Variants in HABP2 observed in about 807,000 individuals in gnomAD.
HABP2 encodes factor VII-activating protease.
A neutral mutation model predicts 66.5 loss-of-function variants in HABP2; 65 were observed. The ratio of observed to expected loss-of-function variants is 0.98; its 90% CI spans 0.80 to 1.20. The LOEUF (loss-of-function observed/expected upper bound fraction) is 1.20, where lower values mean the gene tolerates loss of function less well. HABP2 is among the 50% of genes most tolerant of loss of function. The pLI is 0.00. For missense variants in HABP2, 786 were observed against 691.0 expected (o/e 1.14, Z -1.54); for synonymous variants, 263 against 253.9 (o/e 1.04, Z -0.34).
rs1171514986 is a variant in HABP2, at chr10:113,578,050, C to A, written c.473C>A (p.Pro158His). 1 of 1,614,166 alleles carries A rather than the reference C, an allele frequency of 6.2e-7. No individual in the cohort carries two copies. The highest frequency in any genetic ancestry group is 8.5e-7 in the Non-Finnish European group (1 of 1,180,018). ...SQVVPVCRPNPCQNGATCSRH... is the reference protein window; with the variant it reads ...SQVVPVCRPNHCQNGATCSRH... ...GTGGTTCCTGTATGCAGGCCAAACC[C>A]CTGCCAGAATGGGGCTACCTGCTCC... Residue 158 changes from proline (P) to histidine (H), a missense_variant, in exon 6 of 13, where the codon CCC becomes CAC. Pro to His is a moderately conservative substitution (Grantham distance 77). Coordinates refer to ENST00000351270, the MANE Select transcript of HABP2 (RefSeq NM_004132.5).
intron 1 of HABP2, among the ~76,000 whole-genome samples, chr10:113,561,928 T>G (rs1178343025): frequency 4.6e-5 from 7 of 152,166 alleles, no homozygotes; most frequent in Non-Finnish European, 1.0e-4. Flanking sequence ...TCAGTAAGAC[T>G]CAGAGACTCG....
chr10:113,588,205 G>T lies in HABP2; in HGVS notation c.1519G>T (p.Gly507Cys), dbSNP rs575155980. 6.2e-7 allele frequency: 1 copy of T among 1,600,526 alleles called. No individual in the cohort carries two copies. The highest frequency in any genetic ancestry group is 8.5e-7 in the Non-Finnish European group (1 of 1,174,286). Residue 507 changes from glycine (G) to cysteine (C), a missense_variant and splice_region_variant, in exon 13 of 13, where the codon GGT becomes TGT. Physicochemically the swap from Gly to Cys is radical, Grantham distance 159. Coordinates refer to ENST00000351270, the MANE Select transcript of HABP2 (RefSeq NM_004132.5). ...GAGCTTATGCCTCTGTTTCCCTTAG[G>T]GTGACTCTGGAGGCCCCCTGACCTG... ...LQKPGQDTCQ[G>C]DSGGPLTCEK...
In HABP2 at chr10:113,553,118, A is replaced by G. The variant is rs1178306634; in HGVS notation, c.-4A>G. ...AGGAAAACACAAGTCCTTAAACTGC[A>G]AAGATGTTTGCCAGGATGTCTGATC... is the stretch of plus-strand genomic sequence containing the variant. On this transcript the variant is annotated 5_prime_UTR_variant, in exon 1 of 13. Coordinates refer to ENST00000351270, the MANE Select transcript of HABP2 (RefSeq NM_004132.5). 2 of 1,612,432 alleles carry G rather than the reference A, an allele frequency of 1.2e-6. No individual in the cohort carries two copies. The highest frequency in any genetic ancestry group is 3.3e-5 in the Admixed American group (2 of 60,026).
At chr10:113,552,741 C>A (rs1844919532), upstream of HABP2, among the ~76,000 whole-genome samples, 1 of 152,150 alleles carries the variant, frequency 6.6e-6, no homozygotes, top group Non-Finnish European at 1.5e-5. Context: ...CTGGCAGAGG[C>A]CTGTGGCACA....
chr10:113,560,933 A>G (rs975361946), intron 1 of HABP2, among the ~76,000 whole-genome samples: 5 of 152,214 alleles, frequency 3.3e-5, no homozygotes, highest in Non-Finnish European at 7.3e-5. Flanking sequence ...AAGTTTGGGG[A>G]TTAGAGAGTG....
chr10:113,578,149 T>G lies in HABP2; in HGVS notation c.568+4T>G, dbSNP rs971690485. ...AAGGGGAAATTCTGTGAAATAGGTATGGGTCTCTGCCACCATCAGGGCCAC... is the reference window on the plus strand; with the variant it reads ...AAGGGGAAATTCTGTGAAATAGGTAGGGGTCTCTGCCACCATCAGGGCCAC... On this transcript the variant is annotated splice_donor_region_variant and intron_variant, in intron 6 of 12. Coordinates refer to ENST00000351270, the MANE Select transcript of HABP2 (RefSeq NM_004132.5). 7.4e-6 allele frequency: 12 copies of G among 1,613,984 alleles called. No individual in the cohort carries two copies. In the South Asian group the frequency reaches 1.2e-4, roughly 16 times the overall value.
At chr10:113,568,328 G>A (rs1045990760) in intron 2 of HABP2, among the ~76,000 whole-genome samples, 83 of 152,350 alleles carry the variant, frequency 5.4e-4, no homozygotes, top group African/African-American at 1.9e-3. Context: ...CCATAGCCAG[G>A]CAGACAACAC....
At chr10:113,572,981 A>T (rs982258825) in intron 2 of HABP2, among the ~76,000 whole-genome samples, 4 of 152,244 alleles carry the variant, frequency 2.6e-5, no homozygotes, top group Admixed American at 2.6e-4. Context: ...TGACTGAGAG[A>T]CGAGTAAGAT....
At chr10:113,554,688 G>A (rs561378668) in intron 1 of HABP2, among the ~76,000 whole-genome samples, 17 of 152,270 alleles carry the variant, frequency 1.1e-4, no homozygotes, top group African/African-American at 2.9e-4. Context: ...CATACCAGTC[G>A]GAAAGAATTA....
At chr10:113,569,038 C>A (rs1299545055) in intron 2 of HABP2, among the ~76,000 whole-genome samples, 1 of 152,148 alleles carries the variant, frequency 6.6e-6, no homozygotes, top group East Asian at 1.9e-4. Flanking sequence ...ATCAAACAGA[C>A]TGGGAGCTAC....
chr10:113,587,837 A>ATAGACCATGCTGAGCACC (rs1845681600), intron 12 of HABP2, among the ~76,000 whole-genome samples: 1 of 152,054 alleles, frequency 6.6e-6, no homozygotes, highest in Admixed American at 6.6e-5. Flanking sequence ...ATCTAACCCC[A>ATAGACCATGCTGAGCACC]TAGACCATGC....
Position 113,580,682 on chromosome 10 carries a change from C to G in HABP2, c.828C>G (p.Cys276Trp). The G allele has an allele frequency of 6.4e-7, 1 of 1,562,158 alleles. No individual in the cohort carries two copies. The highest frequency in any genetic ancestry group is 8.8e-7 in the Non-Finnish European group (1 of 1,132,704). ...GGGAATACTGTGATGTCTCAGCCTG[C>G]TCAGCCCAGGGTAAAGGCCATGGCT... ...VKWEYCDVSA[C>W]SAQDVAYPEE... Residue 276 changes from cysteine to tryptophan, a missense_variant, in exon 8 of 13, where the codon TGC becomes TGG. Transcript: ENST00000351270.
At chr10:113,555,786 T>C (rs1033159897) in intron 1 of HABP2, among the ~76,000 whole-genome samples, 3 of 152,220 alleles carry the variant, frequency 2.0e-5, no homozygotes, top group African/African-American at 7.2e-5. Flanking sequence ...AACCCAGAGA[T>C]GTTAAAATGA....
At chr10:113,578,439 AT>A (rs1369628692) in intron 6 of HABP2, among the ~76,000 whole-genome samples, 187 bp from the exon 7 acceptor site, 1 of 152,054 alleles carries the variant, frequency 6.6e-6, no homozygotes, top group East Asian at 1.9e-4. Context: ...CAACCACTAT[AT>A]TTCATGTTTT....
intron 10 of HABP2, among the ~76,000 whole-genome samples, chr10:113,583,631 T>C (rs1845582549): frequency 6.6e-6 from 1 of 152,202 alleles, no homozygotes; most frequent in Non-Finnish European, 1.5e-5. Flanking sequence ...TTCCCAACTT[T>C]ATCACCAGGA....
chr10:113,580,805 T>A, intron 8 of HABP2, 113 bp downstream of exon 8: 1 of 636,962 alleles, frequency 1.6e-6, no homozygotes, highest in Non-Finnish European at 2.8e-6. Context: ...ACACCTGCTT[T>A]ACCAATTCCC....
rs2419841 is a variant in HABP2, at chr10:113,576,224, T to C, written c.331+220T>C. ...TACATCCATTCTCCAGATGGGAAGA[T>C]TGAGGCTGAGAGGGGATAAGGGCTG... On this transcript the variant is annotated intron_variant, in intron 4 of 12. Coordinates refer to ENST00000351270, the MANE Select transcript of HABP2 (RefSeq NM_004132.5). Among the ~76,000 whole-genome samples, 13,215 of 152,212 alleles carry C rather than the reference T, an allele frequency of 0.087. 685 individuals carry two copies. Among genetic ancestry groups the C allele is most frequent in the South Asian group, 0.12 (600 of 4,824 alleles).
At chr10:113,570,534 A>G (rs1431076831) in intron 2 of HABP2, among the ~76,000 whole-genome samples, 2 of 152,220 alleles carry the variant, frequency 1.3e-5, no homozygotes, top group Admixed American at 1.3e-4. Flanking sequence ...TTTAAACCTG[A>G]ACTGTTTTTC....
intron 1 of HABP2, among the ~76,000 whole-genome samples, chr10:113,562,544 A>G (rs759330187): frequency 6.6e-6 from 1 of 150,794 alleles, no homozygotes; most frequent in African/African-American, 2.4e-5. Context: ...TCTCAGGTTC[A>G]AGCGATTCTT....
Sources: gnomAD v4.1 joint callset for allele counts (sites outside exome capture counted in the v4.1 genomes callset) on GRCh38, gnomAD v4.1.1 for gene constraint, MANE v1.5 for transcripts, NCBI Gene and HGNC (gene_info 2026-07-23, HGNC 2026-07-21) for gene names.